Variants in CCDC171 observed in about 807,000 individuals in gnomAD.
The protein encoded by CCDC171 is coiled-coil domain-containing protein 171.
CCDC171 carries 177 observed loss-of-function variants against 168.2 expected under a neutral mutation model. The ratio of observed to expected loss-of-function variants is 1.05; its 90% CI spans 0.93 to 1.19. The LOEUF (loss-of-function observed/expected upper bound fraction) is 1.19, where lower values mean the gene tolerates loss of function less well. CCDC171 is among the 50% of genes most tolerant of loss of function. The pLI, the probability that CCDC171 is intolerant of heterozygous loss-of-function variation, is 0.00. For synonymous variants in CCDC171, 687 were observed against 540.8 expected (o/e 1.27, Z -3.75); for missense variants, 1,991 against 1,539.0 (o/e 1.29, Z -4.91).
chr9:15,998,223 G>T (rs998745093), intron 3 of CCDC171, among the ~76,000 whole-genome samples: 1 of 152,182 alleles, frequency 6.6e-6, no homozygotes, highest in Non-Finnish European at 1.5e-5. Flanking sequence ...GCCATACAGA[G>T]CTGTCTAATT....
At chr9:15,947,998 C>T (rs1828635161) in intron 25 of CCDC171, among the ~76,000 whole-genome samples, 2 of 150,634 alleles carry the variant, frequency 1.3e-5, no homozygotes, top group African/African-American at 4.9e-5. Flanking sequence ...ACAACAGTCC[C>T]CACAGTGTGA....
intron 3 of CCDC171, among the ~76,000 whole-genome samples, chr9:16,002,019 A>T (rs891440962): frequency 6.6e-6 from 1 of 151,294 alleles, no homozygotes; most frequent in Non-Finnish European, 1.5e-5. Flanking sequence ...TTGTAGAGAC[A>T]GGGTCTCACT....
intron 8 of CCDC171, among the ~76,000 whole-genome samples, chr9:16,036,395 G>A (rs10756737): frequency 0.4 from 61,542 of 152,108 alleles, 14,039 homozygotes; most frequent in East Asian, 0.73. Flanking sequence ...CTGTAATCCC[G>A]GCAATTTGGG....
intron 3 of CCDC171, among the ~76,000 whole-genome samples, chr9:15,996,794 T>C (rs1832387448): frequency 6.6e-6 from 1 of 152,166 alleles, no homozygotes; most frequent in East Asian, 1.9e-4. Flanking sequence ...TTCTACAGTG[T>C]ATTATTTTTA....
In CCDC171 at chr9:15,784,551, C is replaced by T. The variant is rs1278695843; in HGVS notation, c.3124C>T (p.Leu1042=). ...GAAGTTTGAAAGTGCATGTGAAGAA[C>T]TAAATAATGCATTACTTCGGGAAGA... ...HEKFESACEE[L]NNALLREEQA... Residue 1042 remains leucine (L), a synonymous_variant, in exon 21 of 26, where the codon CTA becomes TTA. Coordinates refer to ENST00000380701, the MANE Select transcript of CCDC171 (RefSeq NM_173550.4). The T allele has an allele frequency of 6.2e-7, 1 of 1,613,154 alleles. No individual in the cohort carries two copies. The highest frequency in any genetic ancestry group is 1.1e-5 in the South Asian group (1 of 91,014).
chr9:15,690,523 A>G (rs1224419020), intron 10 of CCDC171, among the ~76,000 whole-genome samples: 4 of 152,194 alleles, frequency 2.6e-5, no homozygotes, highest in African/African-American at 9.6e-5. Context: ...AACAAATTTT[A>G]GATTGATCAA....
chr9:15,818,351 C>G (rs910782722), intron 21 of CCDC171, among the ~76,000 whole-genome samples: 1 of 117,880 alleles, frequency 8.5e-6, no homozygotes, highest in Admixed American at 8.0e-5. Flanking sequence ...CAGAGAATGA[C>G]TTTGATGAGT....
At chr9:15,610,872 C>G (rs2043633048) in intron 6 of CCDC171, among the ~76,000 whole-genome samples, 1 of 152,012 alleles carries the variant, frequency 6.6e-6, no homozygotes, top group Non-Finnish European at 1.5e-5. Flanking sequence ...TCTTTATTTT[C>G]TCTGAGTGTT....
At chr9:15,789,995 C>A (rs375173023) in intron 21 of CCDC171, among the ~76,000 whole-genome samples, 79 of 152,260 alleles carry the variant, frequency 5.2e-4, no homozygotes, top group Non-Finnish European at 1.0e-3. Flanking sequence ...TTAATCCAGT[C>A]TATCATGGTT....
chr9:15,938,666 A>AATAGC (rs1827372749), intron 25 of CCDC171, among the ~76,000 whole-genome samples: 2 of 151,854 alleles, frequency 1.3e-5, no homozygotes, highest in African/African-American at 4.8e-5. Flanking sequence ...ATTGGGAAGA[A>AATAGC]ATAGCTGTCT....
chr9:15,557,080 A>G (rs377171340), intron 1 of CCDC171, among the ~76,000 whole-genome samples: 8 of 152,158 alleles, frequency 5.3e-5, no homozygotes, highest in Non-Finnish European at 8.8e-5. Flanking sequence ...TGAGGGCTCT[A>G]TTCTGTTCCA....
At chr9:15,873,641 A>G (rs557867593) in intron 23 of CCDC171, among the ~76,000 whole-genome samples, 111 of 152,246 alleles carry the variant, frequency 7.3e-4, no homozygotes, top group Middle Eastern at 3.4e-3. Context: ...TTTTGTTCTT[A>G]AATGCAAACG....
the CCDC171 span, among the ~76,000 whole-genome samples, chr9:16,091,425 C>T: frequency 6.6e-6 from 1 of 152,180 alleles, no homozygotes; most frequent in Non-Finnish European, 1.5e-5. Flanking sequence ...GTCCCTTTGG[C>T]CATACATGCT....
chr9:16,033,111 T>G (rs1887667), intron 6 of CCDC171, among the ~76,000 whole-genome samples: 61,238 of 151,972 alleles, frequency 0.4, 13,941 homozygotes, highest in East Asian at 0.73. Flanking sequence ...GAAACACCAG[T>G]GTCCACTGTA....
At chr9:15,979,607 G>A (rs576907716) in intron 3 of CCDC171, among the ~76,000 whole-genome samples, 3 of 152,032 alleles carry the variant, frequency 2.0e-5, no homozygotes, top group East Asian at 1.9e-4. Flanking sequence ...ATTTTCACAC[G>A]TTAAACCAAT....
chr9:15,641,281 C>G (rs2175082), intron 7 of CCDC171, among the ~76,000 whole-genome samples: 2 of 152,054 alleles, frequency 1.3e-5, no homozygotes, highest in Admixed American at 1.3e-4. Flanking sequence ...AGTATGTACT[C>G]ATGATAATTC....
chr9:15,781,269 T>G (rs10962156), intron 20 of CCDC171, among the ~76,000 whole-genome samples: 72,105 of 151,922 alleles, frequency 0.47, 17,294 homozygotes, highest in South Asian at 0.54. Context: ...GAGAGAAGAT[T>G]AGAGTTTGAG....
chr9:15,597,152 G>C (rs879645255), intron 6 of CCDC171, among the ~76,000 whole-genome samples: 3 of 151,894 alleles, frequency 2.0e-5, no homozygotes, highest in African/African-American at 7.3e-5. Flanking sequence ...TCTCCTGCCC[G>C]ATTGCCCTGG....
At chr9:16,092,486 C>T in the CCDC171 span, among the ~76,000 whole-genome samples, 1 of 152,156 alleles carries the variant, frequency 6.6e-6, no homozygotes, top group African/African-American at 2.4e-5. Context: ...GCTCCACTTC[C>T]CCCTTTGTTT....
Sources: allele counts gnomAD v4.1 joint callset (sites outside exome capture counted in the v4.1 genomes callset), GRCh38; gene constraint gnomAD v4.1.1; transcripts MANE v1.5; gene names NCBI Gene and HGNC (gene_info 2026-07-23, HGNC 2026-07-21).